The following ATRNL1 variants were observed in gnomAD, a reference collection of about 807,000 sequenced individuals.
The protein encoded by ATRNL1 is attractin like 1.
A neutral mutation model predicts 182.7 loss-of-function variants in ATRNL1; 95 were observed. The observed-to-expected ratio is 0.52, with a 90% confidence interval of 0.44 to 0.62. The LOEUF (loss-of-function observed/expected upper bound fraction) is 0.62. Ranked by LOEUF, ATRNL1 falls within the 20% of genes least tolerant of loss-of-function variation. ATRNL1 has a pLI of 0.00. For synonymous variants in ATRNL1, 576 were observed against 568.3 expected (o/e 1.01, Z -0.19); for missense variants, 1,471 against 1,679.5 (o/e 0.88, Z 2.17).
At chr10:115,909,591 T>G (rs1451084808) in intron 28 of ATRNL1, 1 of 124,244 alleles carries the variant, frequency 8.0e-6, no homozygotes, top group Non-Finnish European at 1.5e-5. Context: ...AGCTTCATGG[T>G]TTTTTTTCTT....
At chr10:115,396,695 T>C (rs1487656672) in intron 20 of ATRNL1, among the ~76,000 whole-genome samples, 1 of 151,952 alleles carries the variant, frequency 6.6e-6, no homozygotes, top group Non-Finnish European at 1.5e-5. Flanking sequence ...TAGTAAACAC[T>C]GTCAATCTTC....
intron 5 of ATRNL1, among the ~76,000 whole-genome samples, chr10:115,132,597 T>A (rs1554875525): frequency 6.6e-6 from 1 of 152,106 alleles, no homozygotes; most frequent in South Asian, 2.1e-4. Context: ...CACCTGTTGT[T>A]TCCTGAGTTT....
At chr10:115,929,207 C>T (rs1953324173) in intron 28 of ATRNL1, among the ~76,000 whole-genome samples, 1 of 151,750 alleles carries the variant, frequency 6.6e-6, no homozygotes. Flanking sequence ...TTTATAGATG[C>T]TATGTTTGAT....
intron 25 of ATRNL1, among the ~76,000 whole-genome samples, chr10:115,527,938 C>A (rs1277668809): frequency 4.1e-3 from 358 of 86,954 alleles, no homozygotes; most frequent in African/African-American, 0.017. Context: ...CTCCTTCCTT[C>A]TCCTTCCTTC....
intron 27 of ATRNL1, among the ~76,000 whole-genome samples, chr10:115,767,044 T>C (rs1948873522): frequency 6.6e-6 from 1 of 152,122 alleles, no homozygotes; most frequent in South Asian, 2.1e-4. Context: ...ATTGCAAGGG[T>C]TTATGATAAT....
rs935687325 is a variant in ATRNL1, at chr10:115,215,805, G to T, written c.1457G>T (p.Gly486Val). Residue 486 changes from glycine (G) to valine (V), a missense_variant, in exon 9 of 29, where the codon GGG becomes GTG. Physicochemically the swap from Gly to Val is moderately radical, Grantham distance 109. Transcript: ENST00000355044. ...ACAAAGTCCATTTATGTTCATGGAG[G>T]GTATAAAGCATTGCCAGGGAACAAA... The part of the protein sequence containing the change: ...EITKSIYVHG[G>V]YKALPGNKYG... 5 of 1,605,712 alleles carry T rather than the reference G, an allele frequency of 3.1e-6. No homozygotes were observed. The highest frequency in any genetic ancestry group is 3.4e-6 in the Non-Finnish European group (4 of 1,177,030).
At chr10:115,836,460 T>C (rs1334524794) in intron 27 of ATRNL1, among the ~76,000 whole-genome samples, 1 of 152,142 alleles carries the variant, frequency 6.6e-6, no homozygotes, top group African/African-American at 2.4e-5. Flanking sequence ...GGGCTAGAAG[T>C]CTGGAATGAA....
intron 26 of ATRNL1, chr10:115,597,566 A>AG (rs1565200517): frequency 2.7e-6 from 1 of 365,972 alleles, no homozygotes; most frequent in Non-Finnish European, 5.0e-6. Flanking sequence ...CATTTATGGG[A>AG]GCTTTTTTTT....
intron 27 of ATRNL1, among the ~76,000 whole-genome samples, chr10:115,783,613 A>C (rs973330646): frequency 2.0e-5 from 3 of 152,244 alleles, no homozygotes; most frequent in African/African-American, 7.2e-5. Context: ...TCACATTCAA[A>C]TATAATGTCA....
intron 10 of ATRNL1, among the ~76,000 whole-genome samples, chr10:115,262,231 G>A (rs1355726027): frequency 1.3e-5 from 2 of 149,858 alleles, no homozygotes; most frequent in Non-Finnish European, 3.0e-5. Flanking sequence ...CCTCACACAT[G>A]TATATATTTA....
intron 24 of ATRNL1, among the ~76,000 whole-genome samples, chr10:115,504,114 A>G (rs1261851894): frequency 6.6e-6 from 1 of 151,988 alleles, no homozygotes; most frequent in Admixed American, 6.6e-5. Flanking sequence ...TTAAATTATA[A>G]CACTTTTGTT....
At chr10:115,509,149 C>T (rs1182215281) in intron 24 of ATRNL1, among the ~76,000 whole-genome samples, 2 of 151,992 alleles carry the variant, frequency 1.3e-5, no homozygotes, top group African/African-American at 4.8e-5. Flanking sequence ...TATCTATTTA[C>T]AGCATGGTTT....
chr10:115,132,250 G>C (rs1190736838), intron 5 of ATRNL1, among the ~76,000 whole-genome samples: 9 of 152,174 alleles, frequency 5.9e-5, no homozygotes, highest in Admixed American at 4.6e-4. Flanking sequence ...TCCCTACAAA[G>C]GACATGAACT....
chr10:115,507,383 A>G (rs1455404006), intron 24 of ATRNL1, among the ~76,000 whole-genome samples: 2 of 152,044 alleles, frequency 1.3e-5, no homozygotes, highest in Non-Finnish European at 2.9e-5. Context: ...TAAAAATGCT[A>G]GGATTTTTTG....
intron 28 of ATRNL1, among the ~76,000 whole-genome samples, chr10:115,853,947 C>T (rs1951116411): frequency 6.6e-6 from 1 of 152,064 alleles, no homozygotes; most frequent in African/African-American, 2.4e-5. Flanking sequence ...ACCTTGTATC[C>T]AAAATACAGT....
At chr10:115,151,576 T>G (rs1481238147) in intron 5 of ATRNL1, among the ~76,000 whole-genome samples, 1 of 152,204 alleles carries the variant, frequency 6.6e-6, no homozygotes, top group Non-Finnish European at 1.5e-5. Flanking sequence ...GTTGTTTTTT[T>G]CTTGTAAATT....
intron 26 of ATRNL1, among the ~76,000 whole-genome samples, chr10:115,623,330 A>T (rs1159523454): frequency 2.6e-5 from 4 of 152,222 alleles, no homozygotes; most frequent in Admixed American, 1.3e-4. Flanking sequence ...AACTGAAATT[A>T]AAAAATTGAA....
At chr10:115,803,080 G>A (rs996278018) in intron 27 of ATRNL1, among the ~76,000 whole-genome samples, 1 of 152,078 alleles carries the variant, frequency 6.6e-6, no homozygotes, top group African/African-American at 2.4e-5. Flanking sequence ...CATAATAAAA[G>A]CCACACAGCC....
intron 26 of ATRNL1, among the ~76,000 whole-genome samples, chr10:115,580,457 C>A (rs1298850199): frequency 2.6e-5 from 4 of 152,066 alleles, no homozygotes; most frequent in African/African-American, 9.7e-5. Flanking sequence ...GAAAAATCAA[C>A]TGATAGTCTG....
Sources: gnomAD v4.1 joint callset for allele counts (sites outside exome capture counted in the v4.1 genomes callset) on GRCh38, gnomAD v4.1.1 for gene constraint, MANE v1.5 for transcripts, NCBI Gene and HGNC (gene_info 2026-07-23, HGNC 2026-07-21) for gene names.